Variants in PCDH15 observed in about 807,000 individuals in gnomAD.
PCDH15 encodes protocadherin related 15.
A neutral mutation model predicts 178.5 loss-of-function variants in PCDH15; 129 were observed. The ratio of observed to expected loss-of-function variants is 0.72; its 90% confidence interval spans 0.63 to 0.84. The LOEUF is 0.84. PCDH15 is among the 40% of genes least tolerant of loss of function. The probability of loss-of-function intolerance (pLI) is 0.00; values close to 1 mark genes in which losing one functional copy is unlikely to be tolerated. For missense variants in PCDH15, 2,230 were observed against 2,099.9 expected, an observed-to-expected ratio of 1.06 and a Z score of -1.21; for synonymous variants, 800 against 732.0, an observed-to-expected ratio of 1.09 and a Z score of -1.50.
intron 2 of PCDH15, among the ~76,000 whole-genome samples, chr10:55,347,625 G>A (rs951413694): frequency 6.6e-6 from 1 of 152,160 alleles, no homozygotes; most frequent in South Asian, 2.1e-4. Context: ...AGGGCATTGA[G>A]AATGCTCCCA....
chr10:55,445,953 T>C (rs1056764586), intron 2 of PCDH15, among the ~76,000 whole-genome samples: 4 of 152,028 alleles, frequency 2.6e-5, no homozygotes, highest in African/African-American at 9.7e-5. Context: ...GAGTGGTAAG[T>C]GGGGACATAC....
At chr10:54,256,345 G>T (rs1251413015) in intron 8 of PCDH15, among the ~76,000 whole-genome samples, 1 of 152,204 alleles carries the variant, frequency 6.6e-6, no homozygotes, top group Non-Finnish European at 1.5e-5. Context: ...AGATGAATCA[G>T]ATGGTCAGCT....
At chr10:53,873,727 C>G (rs2080029629) in intron 26 of PCDH15, among the ~76,000 whole-genome samples, 1 of 152,176 alleles carries the variant, frequency 6.6e-6, no homozygotes, top group African/African-American at 2.4e-5. Context: ...GTGCTATGGA[C>G]TGATTATTTC....
intron 2 of PCDH15, among the ~76,000 whole-genome samples, chr10:54,597,145 A>T (rs1024646072): frequency 6.6e-6 from 1 of 152,172 alleles, no homozygotes; most frequent in Non-Finnish European, 1.5e-5. Context: ...CATAATGTAC[A>T]TTCTTCTCAT....
chr10:55,531,357 T>G (rs1841450841), intron 2 of PCDH15, among the ~76,000 whole-genome samples: 1 of 151,984 alleles, frequency 6.6e-6, no homozygotes, highest in Admixed American at 6.6e-5. Context: ...AACAGTTTTC[T>G]TCAAACATGT....
rs754880131 is a variant in PCDH15 at position 55,356,584 on chromosome 10, C to T, written c.-155-189933G>A. ...GAACAAAAGAAACACAGAATTGATT[C>T]GTTCATTTATTCAATCACTCATTTT... On this transcript the variant is annotated intron_variant, in intron 2 of 5. Coordinates refer to the PCDH15 transcript ENST00000613346. 5.3e-5 allele frequency among the ~76,000 whole-genome samples: 8 copies of T among 151,790 alleles called. No homozygotes were observed. In the East Asian group the frequency reaches 1.2e-3, roughly 22 times the overall value.
chr10:54,468,461 T>A (rs1403808968), intron 3 of PCDH15, among the ~76,000 whole-genome samples: 1 of 152,052 alleles, frequency 6.6e-6, no homozygotes, highest in South Asian at 2.1e-4. Context: ...CAAATATTAA[T>A]ATAGTTTTCA....
At chr10:55,204,026 C>G (rs1840326023) in intron 1 of PCDH15, among the ~76,000 whole-genome samples, 1 of 151,606 alleles carries the variant, frequency 6.6e-6, no homozygotes, top group African/African-American at 2.4e-5. Flanking sequence ...GCCTGTGCAA[C>G]ATAGTGAGAT....
chr10:54,656,309 A>G (rs968988342), intron 2 of PCDH15, among the ~76,000 whole-genome samples: 1 of 150,296 alleles, frequency 6.7e-6, no homozygotes, highest in African/African-American at 2.4e-5. Flanking sequence ...GCAGAGATTG[A>G]CCCCCAAGGA....
At chr10:54,231,706 A>G (rs1247998656) in intron 9 of PCDH15, among the ~76,000 whole-genome samples, 1 of 152,228 alleles carries the variant, frequency 6.6e-6, no homozygotes, top group Non-Finnish European at 1.5e-5. Context: ...AGGCCTTGGG[A>G]GCCCACCCCC....
chr10:54,302,565 A>C (rs1203766150), intron 8 of PCDH15, among the ~76,000 whole-genome samples: 1 of 152,208 alleles, frequency 6.6e-6, no homozygotes. Flanking sequence ...AGCCAAAAGC[A>C]GGACCTCCTC....
At chr10:54,538,685 G>C (rs1242096763) in intron 2 of PCDH15, among the ~76,000 whole-genome samples, 1 of 152,092 alleles carries the variant, frequency 6.6e-6, no homozygotes, top group Non-Finnish European at 1.5e-5. Context: ...TGCTGTTCTT[G>C]TGATAGTGAG....
chr10:55,246,830 G>T (rs998059658), intron 1 of PCDH15, among the ~76,000 whole-genome samples: 1 of 152,080 alleles, frequency 6.6e-6, no homozygotes, highest in Admixed American at 6.6e-5. Flanking sequence ...TTCAATTTTA[G>T]ACTAAAATTA....
chr10:55,181,609 A>C (rs1352331389), intron 1 of PCDH15, among the ~76,000 whole-genome samples: 2 of 152,006 alleles, frequency 1.3e-5, no homozygotes, highest in East Asian at 1.9e-4. Flanking sequence ...GAGTGTCAAC[A>C]TTTTTAAAGA....
At chr10:54,493,351 G>A (rs954660180) in intron 3 of PCDH15, among the ~76,000 whole-genome samples, 1 of 152,014 alleles carries the variant, frequency 6.6e-6, no homozygotes, top group Non-Finnish European at 1.5e-5. Context: ...AGATTATGGT[G>A]CCTCCTACAC....
At chr10:54,189,700 TATTG>T (rs1000078492) in intron 11 of PCDH15, among the ~76,000 whole-genome samples, 2 of 152,126 alleles carry the variant, frequency 1.3e-5, no homozygotes, top group Non-Finnish European at 2.9e-5. Flanking sequence ...GAGTAATCTT[TATTG>T]ATTATTATTC....
At position 54,755,974 on chromosome 10, in the gene PCDH15, A is replaced by C. The variant is rs1019398776; in HGVS notation, c.-29+44951T>G. Among the ~76,000 whole-genome samples, 73 of 151,608 alleles carry C rather than the reference A, an allele frequency of 4.8e-4. 1 individual carries two copies. Among genetic ancestry groups the C allele is most frequent in the Non-Finnish European group, 3.1e-4 (21 of 67,866 alleles). ...GGTAGCTCATACCTGTAATCCCAGC[A>C]CTTTGGCAGCGGGTGGATCACCTGA... On this transcript the variant is annotated intron_variant, in intron 1 of 37. Coordinates refer to ENST00000644397, the MANE Select transcript of PCDH15 (RefSeq NM_001384140.1).
At chr10:54,409,303 T>A (rs575255343) in intron 3 of PCDH15, among the ~76,000 whole-genome samples, 10 of 152,294 alleles carry the variant, frequency 6.6e-5, no homozygotes, top group African/African-American at 2.4e-4. Context: ...TTGCATCTCA[T>A]TCCTGGCAGG....
At chr10:54,433,780 G>A (rs1001833428) in intron 3 of PCDH15, among the ~76,000 whole-genome samples, 2 of 152,034 alleles carry the variant, frequency 1.3e-5, no homozygotes, top group African/African-American at 4.8e-5. Flanking sequence ...CATATTACAT[G>A]CCCGTATCAA....
Sources: allele counts gnomAD v4.1 joint callset (sites outside exome capture counted in the v4.1 genomes callset), GRCh38; gene constraint gnomAD v4.1.1; transcripts MANE v1.5; gene names NCBI Gene and HGNC (gene_info 2026-07-23, HGNC 2026-07-21).